Variants in METTL16 observed in about 807,000 individuals in gnomAD.
The protein encoded by METTL16 is methyltransferase 16, RNA N6-adenosine, also known as RNA N(6)-adenosine-methyltransferase METTL16.
Under a neutral mutation model 57.9 loss-of-function variants are expected in METTL16, and 19 were observed. The observed-to-expected ratio is 0.33, with a 90% CI of 0.23 to 0.48. The LOEUF is 0.48. Among genes scored for constraint, METTL16 ranks in the 20% least tolerant of loss-of-function variants. The pLI is 0.99. For missense variants in METTL16, 434 were observed against 691.5 expected (o/e 0.63, Z 4.18); for synonymous variants, 246 against 255.6 (o/e 0.96, Z 0.36).
At chr17:2,440,669 C>G (rs2066942896) in intron 7 of METTL16, among the ~76,000 whole-genome samples, 1 of 151,792 alleles carries the variant, frequency 6.6e-6, no homozygotes, top group Non-Finnish European at 1.5e-5. Flanking sequence ...GACTTGGTCC[C>G]AAAGGAAAAG....
At chr17:2,437,830 A>G (rs895077706) in intron 8 of METTL16, among the ~76,000 whole-genome samples, 1 of 152,204 alleles carries the variant, frequency 6.6e-6, no homozygotes, top group Admixed American at 6.5e-5. Context: ...GATTACAGGC[A>G]TAAGCCACCA....
intron 6 of METTL16, among the ~76,000 whole-genome samples, chr17:2,447,065 C>A (rs2067003237): frequency 6.8e-6 from 1 of 147,766 alleles, no homozygotes; most frequent in African/African-American, 2.6e-5. Flanking sequence ...TGAGGAGCCT[C>A]TCTGCCTGGC....
chr17:2,494,339 G>A (rs2067424712), intron 2 of METTL16, among the ~76,000 whole-genome samples: 1 of 152,084 alleles, frequency 6.6e-6, no homozygotes, highest in Admixed American at 6.6e-5. Flanking sequence ...ACTAATTTTT[G>A]TGGGTACATG....
At chr17:2,489,420 C>T (rs1407919663) in intron 2 of METTL16, among the ~76,000 whole-genome samples, 2 of 152,018 alleles carry the variant, frequency 1.3e-5, no homozygotes, top group South Asian at 2.1e-4. Flanking sequence ...TTTGGTAGGC[C>T]GAGGCAGGCA....
chr17:2,446,939 A>C (rs1174190294), intron 6 of METTL16, among the ~76,000 whole-genome samples: 2 of 148,134 alleles, frequency 1.4e-5, no homozygotes, highest in Non-Finnish European at 3.0e-5. Flanking sequence ...TACAGCCTCC[A>C]CCTCCCAGCC....
chr17:2,474,707 C>T (rs1162889208), intron 3 of METTL16, among the ~76,000 whole-genome samples: 1 of 152,222 alleles, frequency 6.6e-6, no homozygotes, highest in Admixed American at 6.5e-5. Context: ...AGGCGGACCA[C>T]CTGAGGTCAG....
At position 2,420,410 on chromosome 17, in the gene METTL16, CAG is replaced by C. The variant is rs1378167114; in HGVS notation, c.1247_1248del (p.Ser416TrpfsTer3). 1 of 1,614,018 alleles carries C rather than the reference CAG, an allele frequency of 6.2e-7. No individual in the cohort carries two copies. The highest frequency in any genetic ancestry group is 8.5e-7 in the Non-Finnish European group (1 of 1,180,036). On this transcript the variant is annotated frameshift_variant, in exon 10 of 10. Transcript: ENST00000263092. LOFTEE classifies it high-confidence loss of function. The surrounding 1 kb of genome is among the most constrained non-coding windows in gnomAD (Gnocchi z 5.4). The stretch of plus-strand genomic sequence containing the variant: ...CCCCTGGCCAGTTCTTGGCTATTGC[CAG>C]ACTCTTTGGGGGTGGGCTTTTTCTC... ...LEEKKPTPKE[S>X]GNSQELARGP...
chr17:2,428,527 CAAAAAAAAAAAAAAAAAAAAAAAA>C (rs533793602), intron 8 of METTL16, among the ~76,000 whole-genome samples: 1 of 21,076 alleles, frequency 4.7e-5, no homozygotes, highest in Admixed American at 9.6e-4. Flanking sequence ...GACTCCGTCT[CAAAAAAAAAAAAAAAAAAAAAAAA>C]AAAAAAAAAA....
intron 2 of METTL16, among the ~76,000 whole-genome samples, chr17:2,498,855 C>G (rs1392447707): frequency 6.6e-6 from 1 of 151,544 alleles, no homozygotes; most frequent in African/African-American, 2.4e-5. Context: ...TAAAGCACCA[C>G]AAAGTATAAC....
At chr17:2,501,999 G>C (rs994339459) in intron 2 of METTL16, among the ~76,000 whole-genome samples, 4 of 152,016 alleles carry the variant, frequency 2.6e-5, no homozygotes, top group Admixed American at 2.0e-4. Flanking sequence ...TTTTTTTTAA[G>C]CCAGAAGGAA....
chr17:2,439,391 C>T (rs138533757), intron 7 of METTL16, among the ~76,000 whole-genome samples: 7 of 152,288 alleles, frequency 4.6e-5, no homozygotes, highest in Non-Finnish European at 7.3e-5. Context: ...TGATTACAGA[C>T]ATGAGCCACT....
chr17:2,467,281 C>T (rs781190935), intron 5 of METTL16, among the ~76,000 whole-genome samples: 5 of 152,150 alleles, frequency 3.3e-5, no homozygotes, highest in African/African-American at 1.2e-4. Flanking sequence ...GGGGAGCTGA[C>T]GGGCGGGGGA....
chr17:2,478,921 C>T (rs1035689219), intron 2 of METTL16, among the ~76,000 whole-genome samples: 1 of 152,144 alleles, frequency 6.6e-6, no homozygotes, highest in African/African-American at 2.4e-5. Context: ...GGATTGTTGA[C>T]CATCACGAAC....
In METTL16 at chr17:2,432,065, C is replaced by T. The variant is rs141020567; in HGVS notation, c.888+6044G>A. 4.7e-3 allele frequency among the ~76,000 whole-genome samples: 718 copies of T among 152,234 alleles called. 7 individuals are homozygous for T. The highest frequency in any genetic ancestry group is 0.016 in the African/African-American group (651 of 41,540). On this transcript the variant is annotated intron_variant, in intron 8 of 9. Coordinates refer to ENST00000263092, the MANE Select transcript of METTL16 (RefSeq NM_024086.4). ...GTTCACGCCGTTCTCCAGCCTCAGCCTCTGGGGTAGCTGGGACTATAGGCG... is the reference window on the plus strand; with the variant it reads ...GTTCACGCCGTTCTCCAGCCTCAGCTTCTGGGGTAGCTGGGACTATAGGCG...
intron 3 of METTL16, among the ~76,000 whole-genome samples, chr17:2,475,666 C>A (rs2067264445): frequency 6.6e-6 from 1 of 152,124 alleles, no homozygotes; most frequent in Admixed American, 6.6e-5. Flanking sequence ...GAATGAAATC[C>A]CCTCAGAAAG....
intron 6 of METTL16, among the ~76,000 whole-genome samples, chr17:2,444,244 G>A (rs1195908642): frequency 3.3e-5 from 5 of 152,122 alleles, no homozygotes; most frequent in African/African-American, 1.2e-4. Flanking sequence ...GAGGCCAAGA[G>A]TTCGAGACTA....
intron 8 of METTL16, among the ~76,000 whole-genome samples, chr17:2,426,338 C>T (rs894784169): frequency 6.6e-6 from 1 of 152,178 alleles, no homozygotes; most frequent in Non-Finnish European, 1.5e-5. Flanking sequence ...ACTACAGGTG[C>T]ACATCACCAC....
intron 8 of METTL16, among the ~76,000 whole-genome samples, chr17:2,425,074 G>T (rs34192121): frequency 0.72 from 109,456 of 152,120 alleles, 39,743 homozygotes; most frequent in East Asian, 0.98. Context: ...ATCATGAAAA[G>T]TCCTCGTGGG....
chr17:2,434,630 C>T (rs1337986610), intron 8 of METTL16, among the ~76,000 whole-genome samples: 1 of 152,140 alleles, frequency 6.6e-6, no homozygotes, highest in Non-Finnish European at 1.5e-5. Flanking sequence ...TGATGTCTGC[C>T]CCACCCTGGG....
Sources: gnomAD v4.1 joint callset for allele counts (sites outside exome capture counted in the v4.1 genomes callset) on GRCh38, gnomAD v4.1.1 for gene constraint, Gnocchi (gnomAD v3.1) non-coding constraint, MANE v1.5 for transcripts, NCBI Gene and HGNC (gene_info 2026-07-23, HGNC 2026-07-21) for gene names.